Variants in PLEKHM3 observed in about 807,000 individuals in gnomAD.
PLEKHM3 encodes pleckstrin homology domain-containing family M member 3.
A neutral mutation model predicts 81.8 loss-of-function variants in PLEKHM3; 45 were observed. The observed-to-expected ratio is 0.55, with a 90% confidence interval of 0.43 to 0.71. The LOEUF (loss-of-function observed/expected upper bound fraction) is 0.71, where lower values mean the gene tolerates loss of function less well. Among genes scored for constraint, PLEKHM3 ranks in the 30% least tolerant of loss-of-function variants. The probability of loss-of-function intolerance (pLI) is 0.00; values close to 1 mark genes in which losing one functional copy is unlikely to be tolerated. For missense variants in PLEKHM3, 788 were observed against 924.3 expected (o/e 0.85, Z 1.91); for synonymous variants, 352 against 356.4 (o/e 0.99, Z 0.14).
intron 1 of PLEKHM3, among the ~76,000 whole-genome samples, chr2:208,012,529 T>C (rs1034592312): frequency 1.7e-4 from 26 of 152,224 alleles, no homozygotes; most frequent in African/African-American, 5.8e-4. Flanking sequence ...CTGATGTTAG[T>C]AGAAGGACCA....
chr2:207,833,916 C>T (rs768922848), intron 7 of PLEKHM3, among the ~76,000 whole-genome samples: 9 of 152,136 alleles, frequency 5.9e-5, no homozygotes, highest in Non-Finnish European at 1.0e-4. Flanking sequence ...TTCACAAGTA[C>T]GTATTTTAAA....
intron 1 of PLEKHM3, among the ~76,000 whole-genome samples, chr2:208,010,616 A>T (rs547213599): frequency 2.0e-5 from 3 of 152,206 alleles, no homozygotes; most frequent in Non-Finnish European, 4.4e-5. Flanking sequence ...GTCACAGGTG[A>T]GGTGCAAGTA....
chr2:207,850,537 G>T (rs775271912), intron 7 of PLEKHM3, among the ~76,000 whole-genome samples: 26 of 152,360 alleles, frequency 1.7e-4, no homozygotes, highest in Non-Finnish European at 3.1e-4. Flanking sequence ...AATGCATGCT[G>T]AGGGTTTTTA....
chr2:208,018,002 CT>C (rs1214882952), intron 1 of PLEKHM3, among the ~76,000 whole-genome samples: 1 of 152,144 alleles, frequency 6.6e-6, no homozygotes, highest in African/African-American at 2.4e-5. Context: ...ACCCTCTTAT[CT>C]AGTTTCTCTT....
In PLEKHM3 at chr2:208,001,924, T is replaced by TTCAC; in HGVS notation, c.-286_-285insGTGA. On this transcript the variant is annotated 5_prime_UTR_variant, in exon 2 of 8. The change abolishes the stop of an existing upstream ORF in the 5' untranslated region. Coordinates refer to ENST00000427836, the MANE Select transcript of PLEKHM3 (RefSeq NM_001080475.3). ...CCTCTGTGAAGACAACAGCAAGTAC[T>TTCAC]TGTCAAAGCAATGCCACGCCAATCC... The TTCAC allele has an allele frequency of 2.5e-6, 1 of 397,984 alleles. No individual in the cohort carries two copies. The highest frequency in any genetic ancestry group is 4.5e-6 in the Non-Finnish European group (1 of 221,162). The allele number at this position is 397,984 out of a possible 1,614,324, so 24.7% of individuals were successfully genotyped here. A position where few individuals can be genotyped will look rare whatever the true frequency, so the allele number is the denominator to read the frequency against.
At chr2:207,874,372 C>T (rs778854354) in intron 6 of PLEKHM3, among the ~76,000 whole-genome samples, 7 of 151,904 alleles carry the variant, frequency 4.6e-5, no homozygotes, top group African/African-American at 7.2e-5. Flanking sequence ...GTTGGGAGTT[C>T]GAGACAAGCC....
chr2:207,867,380 T>C (rs2092507147), intron 6 of PLEKHM3, among the ~76,000 whole-genome samples: 1 of 152,220 alleles, frequency 6.6e-6, no homozygotes, highest in African/African-American at 2.4e-5. Context: ...AGTGAGGTAA[T>C]AGTATGAAGT....
chr2:208,005,322 C>T (rs1692462095), intron 1 of PLEKHM3, among the ~76,000 whole-genome samples: 1 of 152,166 alleles, frequency 6.6e-6, no homozygotes, highest in Non-Finnish European at 1.5e-5. Flanking sequence ...TGTCCTCTAT[C>T]TATTCCAGGA....
chr2:207,964,075 G>A (rs1182480996), intron 3 of PLEKHM3, among the ~76,000 whole-genome samples: 4 of 152,168 alleles, frequency 2.6e-5, no homozygotes, highest in African/African-American at 7.2e-5. Context: ...AGCCAGGCGT[G>A]GTGGCACATG....
chr2:207,865,797 AAAAAAG>A (rs1427941402), intron 6 of PLEKHM3, among the ~76,000 whole-genome samples: 39 of 38,096 alleles, frequency 1.0e-3, no homozygotes, highest in African/African-American at 5.1e-3. Flanking sequence ...AAAAAAAAAA[AAAAAAG>A]ATATATATAT....
At chr2:207,974,917 C>T (rs1056675234) in intron 3 of PLEKHM3, among the ~76,000 whole-genome samples, 13 of 151,846 alleles carry the variant, frequency 8.6e-5, no homozygotes, top group South Asian at 8.3e-4. Context: ...CTGAAACCTC[C>T]GCCTCCCAGG....
At chr2:207,985,268 G>A (rs538723515) in intron 2 of PLEKHM3, among the ~76,000 whole-genome samples, 1 of 151,414 alleles carries the variant, frequency 6.6e-6, no homozygotes, top group Non-Finnish European at 1.5e-5. Context: ...TCATACTTGA[G>A]GGCTAGGATA....
intron 3 of PLEKHM3, among the ~76,000 whole-genome samples, chr2:207,975,331 T>C (rs1208170334): frequency 1.3e-5 from 2 of 152,162 alleles, no homozygotes. Flanking sequence ...CCACCTTTAT[T>C]TGGCTTTTTT....
chr2:207,842,176 C>T (rs6435392), intron 7 of PLEKHM3, among the ~76,000 whole-genome samples: 40,522 of 152,138 alleles, frequency 0.27, 5,532 homozygotes, highest in Non-Finnish European at 0.29. Context: ...CCTCGTGATC[C>T]GCCTGCCTCT....
chr2:207,963,285 C>G (rs774649157), intron 3 of PLEKHM3, among the ~76,000 whole-genome samples: 6 of 152,062 alleles, frequency 3.9e-5, no homozygotes, highest in Non-Finnish European at 5.9e-5. Flanking sequence ...ATCTGAGGAA[C>G]AGAAGAAAGC....
chr2:207,833,706 TCCAAA>T (rs1165446510), intron 7 of PLEKHM3, among the ~76,000 whole-genome samples: 1 of 152,118 alleles, frequency 6.6e-6, no homozygotes, highest in Non-Finnish European at 1.5e-5. Context: ...CAGCAATATC[TCCAAA>T]CACTGCCAAA....
At chr2:207,902,843 C>T (rs59304661) in intron 6 of PLEKHM3, among the ~76,000 whole-genome samples, 4 of 118,368 alleles carry the variant, frequency 3.4e-5, no homozygotes, top group African/African-American at 1.6e-4. Context: ...CACCCACCCA[C>T]CCATCCACCC....
chr2:208,007,959 A>G (rs1559281372), intron 1 of PLEKHM3, among the ~76,000 whole-genome samples: 1 of 152,204 alleles, frequency 6.6e-6, no homozygotes, highest in Non-Finnish European at 1.5e-5. Flanking sequence ...AGGCTGAGGC[A>G]GGAGAATGGC....
chr2:207,895,539 T>C (rs1247496401), intron 6 of PLEKHM3, among the ~76,000 whole-genome samples: 1 of 152,230 alleles, frequency 6.6e-6, no homozygotes, highest in Non-Finnish European at 1.5e-5. Context: ...TCCTTTGTTG[T>C]TCAGCTCTAA....
Sources: gnomAD v4.1 joint callset for allele counts (sites outside exome capture counted in the v4.1 genomes callset) on GRCh38, gnomAD v4.1.1 for gene constraint, MANE v1.5 for transcripts, NCBI Gene and HGNC (gene_info 2026-07-23, HGNC 2026-07-21) for gene names.